EDA: variants seen among roughly 807,000 people sequenced by gnomAD.
EDA encodes ectodysplasin A.
EDA carries 2 observed loss-of-function variants against 23.6 expected under a neutral mutation model. The ratio of observed to expected loss-of-function variants is 0.08; its 90% CI spans 0.03 to 0.27. EDA has a LOEUF of 0.27. Among genes scored for constraint, EDA ranks in the 10% least tolerant of loss-of-function variants. EDA has a pLI of 1.00. For missense variants in EDA, 229 were observed against 324.2 expected, an observed-to-expected ratio of 0.71 and a Z score of 2.26; for synonymous variants, 131 against 132.0, an observed-to-expected ratio of 0.99 and a Z score of 0.05.
At chrX:69,682,478 G>A (rs6625505) in intron 1 of EDA, among the ~76,000 whole-genome samples, 3 of 111,930 alleles carry the variant, frequency 2.7e-5, no homozygotes, top group African/African-American at 9.7e-5. Flanking sequence ...GCGAGACTCC[G>A]TGGACGTAGG....
At chrX:69,741,276 T>G (rs960234882) in intron 1 of EDA, among the ~76,000 whole-genome samples, 11 of 111,700 alleles carry the variant, frequency 9.8e-5, no homozygotes, top group Non-Finnish European at 1.7e-4. Flanking sequence ...TTTGTAATTT[T>G]TTGTTGAAAA....
chrX:69,826,680 G>T (rs2016446518), intron 1 of EDA, among the ~76,000 whole-genome samples: 1 of 109,218 alleles, frequency 9.2e-6, no homozygotes, highest in Admixed American at 9.8e-5. Flanking sequence ...CTTTTAATTG[G>T]AGCATTTAGT....
intron 2 of EDA, among the ~76,000 whole-genome samples, chrX:69,962,985 G>T (rs1471752171): frequency 9.0e-6 from 1 of 111,667 alleles, no homozygotes; most frequent in Non-Finnish European, 1.9e-5. Flanking sequence ...GATCACATCT[G>T]CACATTGCTC....
At chrX:69,803,772 T>C (rs956753245) in intron 1 of EDA, among the ~76,000 whole-genome samples, 2 of 110,771 alleles carry the variant, frequency 1.8e-5, no homozygotes, top group African/African-American at 3.3e-5. Context: ...TATCTAGTTG[T>C]AATTTTGTAT....
chrX:69,796,940 G>T (rs756502871), intron 1 of EDA, among the ~76,000 whole-genome samples: 1 of 109,897 alleles, frequency 9.1e-6, no homozygotes, highest in African/African-American at 3.3e-5. Context: ...AAACATATTT[G>T]AAAACCCCAA....
Position 69,643,350 on chromosome X carries a change from G to A in EDA, c.396+26646G>A, listed in dbSNP as rs768001069. Among the ~76,000 whole-genome samples, 12 of 110,389 alleles carry A rather than the reference G, an allele frequency of 1.1e-4. No homozygotes were observed. The East Asian group carries it at 2.9e-3, about 26-fold the overall frequency. On this transcript the variant is annotated intron_variant, in intron 1 of 7. Transcript: ENST00000374552. Reference sequence around the variant, plus strand: ...TGTTACATGGGTAAACATGTGCCACGGTGGTTTGCTGCACAGATCATCCCA... The same window carrying A: ...TGTTACATGGGTAAACATGTGCCACAGTGGTTTGCTGCACAGATCATCCCA...
chrX:69,975,476 A>G (rs986364589), intron 2 of EDA, among the ~76,000 whole-genome samples: 5 of 110,176 alleles, frequency 4.5e-5, no homozygotes, highest in Non-Finnish European at 7.6e-5. Context: ...GGAGGGAGGG[A>G]AGGAGGGAGG....
chrX:69,841,530 A>G (rs747492378), intron 1 of EDA, among the ~76,000 whole-genome samples: 11 of 110,605 alleles, frequency 9.9e-5, no homozygotes, highest in Non-Finnish European at 1.7e-4. Context: ...TTTCTTTTTT[A>G]AGCAGAGGCA....
chrX:69,911,829 C>A (rs2018271182), intron 1 of EDA, among the ~76,000 whole-genome samples: 1 of 112,204 alleles, frequency 8.9e-6, no homozygotes, highest in Non-Finnish European at 1.9e-5. Flanking sequence ...GGTGAAGAGT[C>A]GTGCCTTGAT....
intron 1 of EDA, among the ~76,000 whole-genome samples, chrX:69,921,268 A>G (rs1041304338): frequency 1.8e-5 from 2 of 111,578 alleles, no homozygotes; most frequent in Non-Finnish European, 3.8e-5. Flanking sequence ...ATTACAAAAC[A>G]AGATCTGAGT....
At chrX:69,819,226 A>G (rs1447224392) in intron 1 of EDA, among the ~76,000 whole-genome samples, 7 of 112,051 alleles carry the variant, frequency 6.2e-5, no homozygotes, top group African/African-American at 2.3e-4. Flanking sequence ...CCTCAAAATA[A>G]TAAGAGCCAT....
intron 1 of EDA, among the ~76,000 whole-genome samples, chrX:69,892,705 G>GT (rs755529181): frequency 2.3e-4 from 26 of 111,711 alleles, no homozygotes; most frequent in Non-Finnish European, 4.3e-4. Flanking sequence ...CAAATAAAAG[G>GT]TTGAACTTTT....
chrX:69,625,587 C>T (rs952332096), intron 1 of EDA, among the ~76,000 whole-genome samples: 2 of 110,813 alleles, frequency 1.8e-5, no homozygotes, highest in African/African-American at 6.6e-5. Context: ...AAAAGATACC[C>T]TGTTCAATAA....
chrX:70,006,508 C>T (rs760044951), intron 2 of EDA, among the ~76,000 whole-genome samples: 8 of 112,033 alleles, frequency 7.1e-5, no homozygotes, highest in Non-Finnish European at 1.3e-4. Flanking sequence ...TATTTGCCAT[C>T]TGTATATCTT....
rs777405627 is a variant in EDA, at chrX:70,027,965, C to A, written c.635C>A (p.Thr212Asn). The A allele has an allele frequency of 2.5e-6, 3 of 1,187,196 alleles. No homozygotes were observed. Among genetic ancestry groups the A allele is most frequent in the Admixed American group, 2.3e-5 (1 of 42,877 alleles). ...GGGATTCCTGGAATTCCAGGAACAACTGTTATGGGACCACCTGGTCCTCCA... is the reference window on the plus strand; with the variant it reads ...GGGATTCCTGGAATTCCAGGAACAAATGTTATGGGACCACCTGGTCCTCCA... ...IPGIPGIPGTTVMGPPGPPGP... is the reference protein window; with the variant it reads ...IPGIPGIPGTNVMGPPGPPGP... The change falls in exon 4 of 8, where the codon ACT (threonine) becomes AAT (asparagine). Residue 212 changes from threonine (T) to asparagine (N), a missense_variant. This residue lies in a region of EDA where 175 missense variants were observed against 281.8 expected (regional missense o/e 0.62). Transcript: ENST00000374552.
intron 1 of EDA, among the ~76,000 whole-genome samples, chrX:69,634,978 T>C (rs1360236096): frequency 8.9e-6 from 1 of 112,342 alleles, no homozygotes; most frequent in Admixed American, 9.4e-5. Flanking sequence ...TTATGAATAT[T>C]ATGTACAGTG....
chrX:69,705,703 T>A (rs2011692286), intron 1 of EDA, among the ~76,000 whole-genome samples: 1 of 112,291 alleles, frequency 8.9e-6, no homozygotes, highest in Admixed American at 9.4e-5. Flanking sequence ...GGAGTCCCTC[T>A]GGTTCATCCA....
At chrX:69,634,539 G>A (rs1259694551) in intron 1 of EDA, among the ~76,000 whole-genome samples, 5 of 110,266 alleles carry the variant, frequency 4.5e-5, no homozygotes, top group East Asian at 2.9e-4. Flanking sequence ...GGCTGGTCAC[G>A]AACTCCTGAC....
intron 1 of EDA, among the ~76,000 whole-genome samples, chrX:69,784,044 G>A (rs1226008059): frequency 1.8e-5 from 2 of 108,594 alleles, no homozygotes; most frequent in African/African-American, 6.6e-5. Flanking sequence ...GATGGCCAGT[G>A]ATGGTGAGCA....
Sources: allele counts gnomAD v4.1 joint callset (sites outside exome capture counted in the v4.1 genomes callset), GRCh38; gene constraint gnomAD v4.1.1; regional missense constraint gnomAD v4.1.1; transcripts MANE v1.5; gene names NCBI Gene and HGNC (gene_info 2026-07-23, HGNC 2026-07-21).